The following ANKRD6 variants were observed in gnomAD, a reference collection of about 807,000 sequenced individuals.
ANKRD6 encodes ankyrin repeat domain-containing protein 6.
In ANKRD6, 56 loss-of-function variants were observed where a neutral mutation model predicts 82.3. The observed-to-expected ratio is 0.68, with a 90% confidence interval of 0.55 to 0.85. ANKRD6 has a LOEUF of 0.85. Ranked by LOEUF, ANKRD6 falls within the 40% of genes least tolerant of loss-of-function variation. The pLI is 0.00. For missense variants in ANKRD6, 852 were observed against 907.6 expected, an observed-to-expected ratio of 0.94 and a Z score of 0.79; for synonymous variants, 347 against 352.1, an observed-to-expected ratio of 0.99 and a Z score of 0.16.
intron 1 of ANKRD6, among the ~76,000 whole-genome samples, chr6:89,528,836 T>C (rs1371418212): frequency 1.3e-5 from 2 of 152,236 alleles, no homozygotes; most frequent in Non-Finnish European, 1.5e-5. Context: ...ATCAGAGCTC[T>C]TGGGTGACCA....
At chr6:89,619,777 A>G (rs1453421970) in intron 9 of ANKRD6, 2 of 152,204 alleles carry the variant, frequency 1.3e-5, no homozygotes, top group Non-Finnish European at 2.9e-5. Flanking sequence ...TTTGCCTGAA[A>G]AGAGAAAATC....
At chr6:89,569,207 G>A (rs780133013) in intron 2 of ANKRD6, among the ~76,000 whole-genome samples, 4 of 152,096 alleles carry the variant, frequency 2.6e-5, no homozygotes, top group East Asian at 3.9e-4. Context: ...GAGCCACCGC[G>A]CCTGGCTCCT....
At chr6:89,595,713 A>G (rs1185750076) in intron 2 of ANKRD6, among the ~76,000 whole-genome samples, 1 of 152,216 alleles carries the variant, frequency 6.6e-6, no homozygotes, top group African/African-American at 2.4e-5. Flanking sequence ...TATCGTGTTC[A>G]TTGATTGCAA....
intron 1 of ANKRD6, among the ~76,000 whole-genome samples, chr6:89,553,555 T>C (rs1786151704): frequency 6.6e-6 from 1 of 152,220 alleles, no homozygotes; most frequent in Non-Finnish European, 1.5e-5. Context: ...GTCAGACATT[T>C]AATTCCCCGC....
In ANKRD6 at chr6:89,433,319, C is replaced by G. The variant is rs1377708731; in HGVS notation, c.-200C>G. On this transcript the variant is annotated 5_prime_UTR_variant, in exon 1 of 16. Transcript: ENST00000339746. This position sits in a 1 kb window ranked among gnomAD's most constrained non-coding sequence, Gnocchi z 4.3. ...AGTCCCCGTCTTCGCCCCTCGCCCC[C>G]CACCGTGTCGCCGGCCTTGGTCCCT... 1 of 152,198 alleles carries G rather than the reference C, an allele frequency of 6.6e-6. No homozygotes were observed. The highest frequency in any genetic ancestry group is 1.5e-5 in the Non-Finnish European group (1 of 68,096). 9.4% of individuals were successfully genotyped at this position (152,198 alleles called of 1,614,324 possible). A position where few individuals can be genotyped will look rare whatever the true frequency, so the allele number is the denominator to read the frequency against.
intron 1 of ANKRD6, among the ~76,000 whole-genome samples, chr6:89,506,539 T>C (rs907952351): frequency 6.6e-6 from 1 of 152,182 alleles, no homozygotes; most frequent in Non-Finnish European, 1.5e-5. Flanking sequence ...GCTCTTGAAC[T>C]CCTGACGTCA....
intron 1 of ANKRD6, among the ~76,000 whole-genome samples, chr6:89,512,070 A>G (rs1453746567): frequency 6.6e-6 from 1 of 151,988 alleles, no homozygotes; most frequent in Non-Finnish European, 1.5e-5. Context: ...TAAGCCTGAC[A>G]GTTTGGTCTT....
chr6:89,509,764 A>G (rs1318869661), intron 1 of ANKRD6, among the ~76,000 whole-genome samples: 1 of 152,158 alleles, frequency 6.6e-6, no homozygotes, highest in African/African-American at 2.4e-5. Flanking sequence ...TACTTTCCCC[A>G]CTTTATGGGT....
At chr6:89,579,790 A>G (rs1010977573) in intron 2 of ANKRD6, among the ~76,000 whole-genome samples, 1 of 146,236 alleles carries the variant, frequency 6.8e-6, no homozygotes, top group Non-Finnish European at 1.5e-5. Flanking sequence ...GCTAAATGAG[A>G]TGACAAAGTG....
At chr6:89,519,913 C>T (rs1168369407) in intron 1 of ANKRD6, among the ~76,000 whole-genome samples, 1 of 152,162 alleles carries the variant, frequency 6.6e-6, no homozygotes, top group African/African-American at 2.4e-5. Context: ...AGGTAATTTT[C>T]TACTAAGAAT....
chr6:89,543,168 T>C (rs1784633016), intron 1 of ANKRD6, among the ~76,000 whole-genome samples: 1 of 152,246 alleles, frequency 6.6e-6, no homozygotes. Flanking sequence ...GATGCCATCT[T>C]GTAAAGGAAA....
chr6:89,454,314 A>C lies in ANKRD6; in HGVS notation c.-144+20939A>C, dbSNP rs143870060. ...TACATTCTTTTCATATTTTACTTCC[A>C]GTGTTAATCACTTTTCATTTCTTTG... On this transcript the variant is annotated intron_variant, in intron 1 of 15. Coordinates refer to ENST00000339746, the MANE Select transcript of ANKRD6 (RefSeq NM_001242809.2). Among the ~76,000 whole-genome samples, 214 of 152,188 alleles carry C rather than the reference A, an allele frequency of 1.4e-3. 1 individual carries two copies. Among genetic ancestry groups the C allele is most frequent in the African/African-American group, 5.0e-3 (208 of 41,510 alleles).
intron 3 of ANKRD6, among the ~76,000 whole-genome samples, chr6:89,600,110 CT>C (rs1796783561): frequency 6.6e-6 from 1 of 152,168 alleles, no homozygotes; most frequent in Non-Finnish European, 1.5e-5. Context: ...TCTTGCTAGT[CT>C]GGAAATGTCC....
intron 1 of ANKRD6, among the ~76,000 whole-genome samples, chr6:89,476,842 T>TTA (rs1253679775): frequency 6.6e-6 from 1 of 152,258 alleles, no homozygotes; most frequent in East Asian, 1.9e-4. Flanking sequence ...TTTTCTTGTT[T>TTA]TATAGTCTGC....
chr6:89,633,019 T>G lies in ANKRD6; in HGVS notation c.*2015T>G, dbSNP rs1235566943. 1 of 152,226 alleles carries G rather than the reference T, an allele frequency of 6.6e-6. No homozygotes were observed. Among genetic ancestry groups the G allele is most frequent in the East Asian group, 1.9e-4 (1 of 5,202 alleles). 9.4% of individuals were successfully genotyped at this position (152,226 alleles called of 1,614,324 possible). A position where few individuals can be genotyped will look rare whatever the true frequency, so the allele number is the denominator to read the frequency against. On this transcript the variant is annotated 3_prime_UTR_variant, in exon 16 of 16. Transcript: ENST00000339746. The stretch of plus-strand genomic sequence containing the variant: ...AAAACTAAATTTTAAGTATCAAGTC[T>G]AGACCATAGAGTGCTTTGGTGGGAG...
intron 9 of ANKRD6, among the ~76,000 whole-genome samples, chr6:89,618,597 T>C (rs764693128): frequency 5.3e-5 from 8 of 152,214 alleles, no homozygotes; most frequent in Non-Finnish European, 1.2e-4. Flanking sequence ...ATTATCTAAG[T>C]AACAATAAAG....
At chr6:89,530,165 G>C (rs1439630084) in intron 1 of ANKRD6, among the ~76,000 whole-genome samples, 1 of 152,076 alleles carries the variant, frequency 6.6e-6, no homozygotes, top group Non-Finnish European at 1.5e-5. Context: ...TTACTTGGGA[G>C]GATTGCTTGA....
chr6:89,551,547 G>C (rs775260241), intron 1 of ANKRD6, among the ~76,000 whole-genome samples: 2 of 152,208 alleles, frequency 1.3e-5, no homozygotes, highest in Non-Finnish European at 2.9e-5. Context: ...CAAAGACTGG[G>C]TTCCAGGCCC....
chr6:89,483,047 T>C (rs1004357204), intron 1 of ANKRD6, among the ~76,000 whole-genome samples: 10 of 152,240 alleles, frequency 6.6e-5, no homozygotes, highest in Admixed American at 3.3e-4. Flanking sequence ...GTGCAAGATG[T>C]AACATGCTTC....
Sources: gnomAD v4.1 joint callset for allele counts (sites outside exome capture counted in the v4.1 genomes callset) on GRCh38, gnomAD v4.1.1 for gene constraint, Gnocchi (gnomAD v3.1) non-coding constraint, MANE v1.5 for transcripts, NCBI Gene and HGNC (gene_info 2026-07-23, HGNC 2026-07-21) for gene names.